The following DNAJC3 variants were observed in gnomAD, a reference collection of about 807,000 sequenced individuals.
DNAJC3 encodes the protein DnaJ heat shock protein family (Hsp40) member C3.
A neutral mutation model predicts 68.6 loss-of-function variants in DNAJC3; 38 were observed. The ratio of observed to expected loss-of-function variants is 0.55; its 90% CI spans 0.43 to 0.73. The LOEUF (loss-of-function observed/expected upper bound fraction) is 0.73. DNAJC3 is among the 30% of genes least tolerant of loss of function. The pLI, the probability that DNAJC3 is intolerant of heterozygous loss-of-function variation, is 0.00. For missense variants in DNAJC3, 526 were observed against 591.9 expected, an observed-to-expected ratio of 0.89 and a Z score of 1.16; for synonymous variants, 203 against 204.0, an observed-to-expected ratio of 1.00 and a Z score of 0.04.
intron 7 of DNAJC3, 99 bp from the exon 8 acceptor site, chr13:95,763,544 G>A: frequency 9.0e-7 from 1 of 1,115,178 alleles, no homozygotes. Context: ...TCATCCAATT[G>A]GATTGATTAA....
At chr13:95,739,320 A>T (rs1015447065) in intron 4 of DNAJC3, among the ~76,000 whole-genome samples, 24 of 151,088 alleles carry the variant, frequency 1.6e-4, no homozygotes, top group African/African-American at 5.8e-4. Flanking sequence ...GCTCTTCTCG[A>T]GGAGTATCTT....
At chr13:95,725,850 G>A in intron 4 of DNAJC3, among the ~76,000 whole-genome samples, 1 of 120,058 alleles carries the variant, frequency 8.3e-6, no homozygotes, top group South Asian at 2.7e-4. Context: ...ACAGTCCCCG[G>A]AGTGTGATGT....
In DNAJC3 at chr13:95,794,613, T is replaced by G. The variant is rs576446938; in HGVS notation, c.*3583T>G. On this transcript the variant is annotated 3_prime_UTR_variant, in exon 12 of 12. Transcript: ENST00000602402. ...GTTAAGAGGTGGGATTATTTGGGGG[T>G]TTTTTTTGTTTGTTTACAGATGATC... 272 of 152,140 alleles carry G rather than the reference T, an allele frequency of 1.8e-3. 2 individuals are homozygous for G. The highest frequency in any genetic ancestry group is 6.2e-3 in the African/African-American group (259 of 41,502). The allele number at this position is 152,140 out of a possible 1,614,324, so 9.4% of individuals were successfully genotyped here. A position where few individuals can be genotyped will look rare whatever the true frequency, so the allele number is the denominator to read the frequency against.
chr13:95,762,888 G>A (rs775643518), intron 7 of DNAJC3, among the ~76,000 whole-genome samples: 9 of 152,026 alleles, frequency 5.9e-5, no homozygotes, highest in East Asian at 1.9e-4. Flanking sequence ...CTGTTCCTGC[G>A]TTAGTTTGCT....
intron 7 of DNAJC3, among the ~76,000 whole-genome samples, chr13:95,762,215 T>C (rs1159857899): frequency 6.6e-6 from 1 of 152,102 alleles, no homozygotes; most frequent in African/African-American, 2.4e-5. Context: ...TGAGCCGAGA[T>C]TGTGCCATTA....
chr13:95,735,648 G>T (rs1482850187), intron 4 of DNAJC3, among the ~76,000 whole-genome samples: 1 of 149,702 alleles, frequency 6.7e-6, no homozygotes, highest in Non-Finnish European at 1.5e-5. Flanking sequence ...CATGTCCTTC[G>T]CCCACTTTTT....
At chr13:95,751,701 G>C (rs537249445) in intron 4 of DNAJC3, among the ~76,000 whole-genome samples, 1 of 152,308 alleles carries the variant, frequency 6.6e-6, no homozygotes, top group South Asian at 2.1e-4. Context: ...ACAATTAGGA[G>C]ACATTAGCTG....
chr13:95,786,113 A>G (rs1566518103), intron 10 of DNAJC3, 42 bp downstream of exon 10: 1 of 1,535,894 alleles, frequency 6.5e-7, no homozygotes. Flanking sequence ...TTTTTAATCA[A>G]CTCTGTTTCA....
intron 4 of DNAJC3, among the ~76,000 whole-genome samples, chr13:95,739,764 C>G (rs1375150489): frequency 1.3e-5 from 2 of 152,044 alleles, no homozygotes; most frequent in African/African-American, 4.8e-5. Flanking sequence ...TGAATGTCCT[C>G]CCGTAGCTCA....
At chr13:95,786,168 T>G (rs1883597164) in intron 10 of DNAJC3, 97 bp downstream of exon 10, 9 of 1,290,694 alleles carry the variant, frequency 7.0e-6, no homozygotes, top group Non-Finnish European at 9.4e-6. Flanking sequence ...TTTTCTTTAC[T>G]TATGTAATTT....
chr13:95,697,308 T>A (rs1758468732), intron 1 of DNAJC3, among the ~76,000 whole-genome samples: 1 of 152,196 alleles, frequency 6.6e-6, no homozygotes. Context: ...ATAAAATTCT[T>A]GGTTATAGTT....
intron 4 of DNAJC3, among the ~76,000 whole-genome samples, chr13:95,755,204 G>C (rs1482237365): frequency 1.3e-5 from 2 of 152,080 alleles, no homozygotes; most frequent in African/African-American, 4.8e-5. Flanking sequence ...CCCGTGCTTT[G>C]GAAGGCTGAG....
chr13:95,691,464 G>C (rs553272528), intron 1 of DNAJC3, among the ~76,000 whole-genome samples: 3 of 150,636 alleles, frequency 2.0e-5, no homozygotes, highest in South Asian at 2.1e-4. Flanking sequence ...ATGGGCGGCC[G>C]GGCAGAGATG....
intron 9 of DNAJC3, among the ~76,000 whole-genome samples, chr13:95,782,558 T>G (rs780726134): frequency 6.6e-5 from 10 of 152,240 alleles, no homozygotes; most frequent in Non-Finnish European, 1.0e-4. Context: ...TGACCAGTGA[T>G]GATGAGCTTT....
intron 4 of DNAJC3, among the ~76,000 whole-genome samples, chr13:95,737,743 A>G (rs1329549076): frequency 5.4e-5 from 8 of 148,564 alleles, no homozygotes; most frequent in East Asian, 2.0e-4. Flanking sequence ...CTAGTGGTCT[A>G]TCAATTTTGT....
intron 2 of DNAJC3, among the ~76,000 whole-genome samples, chr13:95,718,656 C>T (rs1881227519): frequency 6.6e-6 from 1 of 152,212 alleles, no homozygotes; most frequent in African/African-American, 2.4e-5. Flanking sequence ...CCGCCTTGGC[C>T]TCCCAAAATG....
chr13:95,725,482 A>G (rs1418885480), intron 4 of DNAJC3, among the ~76,000 whole-genome samples: 1 of 152,136 alleles, frequency 6.6e-6, no homozygotes, highest in Non-Finnish European at 1.5e-5. Context: ...AGCGTACCCA[A>G]TAGATATATA....
At chr13:95,713,348 T>C (rs1881035311) in intron 2 of DNAJC3, among the ~76,000 whole-genome samples, 1 of 152,092 alleles carries the variant, frequency 6.6e-6, no homozygotes, top group Admixed American at 6.5e-5. Context: ...AGATAACAAA[T>C]TCAACATACT....
chr13:95,740,198 C>A (rs962282239), intron 4 of DNAJC3, among the ~76,000 whole-genome samples: 11 of 152,210 alleles, frequency 7.2e-5, no homozygotes, highest in African/African-American at 2.7e-4. Flanking sequence ...GCTGGGAGAA[C>A]CACTGCTCTC....
Sources: gnomAD v4.1 joint callset for allele counts (sites outside exome capture counted in the v4.1 genomes callset) on GRCh38, gnomAD v4.1.1 for gene constraint, MANE v1.5 for transcripts, NCBI Gene and HGNC (gene_info 2026-07-23, HGNC 2026-07-21) for gene names.